The following URI1 variants were observed in gnomAD, a reference collection of about 807,000 sequenced individuals.
The protein encoded by URI1 is URI1 prefoldin like chaperone, also known as unconventional prefoldin RPB5 interactor 1.
Under a neutral mutation model 60.2 loss-of-function variants are expected in URI1, and 39 were observed. That is an observed-to-expected ratio of 0.65 (90% CI 0.50 to 0.85). The LOEUF is 0.85. Ranked by LOEUF, URI1 falls within the 40% of genes least tolerant of loss-of-function variation. The probability of loss-of-function intolerance (pLI) is 0.00; values close to 1 mark genes in which losing one functional copy is unlikely to be tolerated. For missense variants in URI1, 691 were observed against 665.9 expected (o/e 1.04, Z -0.42); for synonymous variants, 251 against 236.8 (o/e 1.06, Z -0.55).
At chr19:30,001,123 C>T (rs922797065) in intron 4 of URI1, among the ~76,000 whole-genome samples, 11 of 151,160 alleles carry the variant, frequency 7.3e-5, no homozygotes, top group African/African-American at 2.4e-4. Context: ...TTTTTCTTCT[C>T]CCTCTTTTCT....
chr19:30,006,191 C>T (rs563463413), intron 6 of URI1, among the ~76,000 whole-genome samples: 300 of 152,210 alleles, frequency 2.0e-3, no homozygotes, highest in Middle Eastern at 0.017. Flanking sequence ...CCCATCTCCA[C>T]CCAGTAGATT....
At chr19:29,953,391 G>A (rs1599668682) in intron 1 of URI1, among the ~76,000 whole-genome samples, 3 of 152,292 alleles carry the variant, frequency 2.0e-5, no homozygotes, top group East Asian at 3.9e-4. Context: ...TTGGTCAAGA[G>A]TGCTACTAGC....
intron 8 of URI1, among the ~76,000 whole-genome samples, chr19:30,010,860 T>TA (rs1162500384): frequency 3.3e-5 from 5 of 152,150 alleles, no homozygotes; most frequent in African/African-American, 1.2e-4. Flanking sequence ...TCTACAATAA[T>TA]AAAGACACTG....
chr19:30,009,094 A>T lies in URI1; in HGVS notation c.776A>T (p.His259Leu). The T allele has an allele frequency of 6.2e-6, 10 of 1,614,040 alleles. No individual in the cohort carries two copies. The highest frequency in any genetic ancestry group is 8.5e-6 in the Non-Finnish European group (10 of 1,179,944). The change falls in exon 8 of 11, where the codon CAT becomes CTT. Residue 259 changes from histidine (H) to leucine (L), a missense_variant. Coordinates refer to ENST00000392271, the MANE Select transcript of URI1 (RefSeq NM_003796.3). ...EDRNTNVNAM[H>L]QVTDSHTPCH... Reference sequence around the variant, plus strand: ...CGTAACACAAATGTGAATGCGATGCATCAAGTAACAGACTCTCATACTCCT... The same window carrying T: ...CGTAACACAAATGTGAATGCGATGCTTCAAGTAACAGACTCTCATACTCCT...
chr19:30,006,856 T>C (rs2055949410), intron 6 of URI1, among the ~76,000 whole-genome samples: 1 of 152,202 alleles, frequency 6.6e-6, no homozygotes, highest in South Asian at 2.1e-4. Flanking sequence ...ATTTGACCCA[T>C]CTTTTTTCCT....
At chr19:29,994,128 T>A (rs2055781572) in intron 4 of URI1, among the ~76,000 whole-genome samples, 1 of 152,074 alleles carries the variant, frequency 6.6e-6, no homozygotes, top group Admixed American at 6.6e-5. Context: ...TGACTTAAGA[T>A]ACAATTGCTG....
At chr19:29,947,437 T>C (rs1256938356) in intron 1 of URI1, among the ~76,000 whole-genome samples, 1 of 152,238 alleles carries the variant, frequency 6.6e-6, no homozygotes, top group Non-Finnish European at 1.5e-5. Flanking sequence ...CAGTTCCACT[T>C]AGAATGCTTT....
intron 2 of URI1, among the ~76,000 whole-genome samples, chr19:29,978,592 G>A (rs1326910246): frequency 3.9e-5 from 6 of 152,070 alleles, no homozygotes; most frequent in Non-Finnish European, 7.4e-5. Context: ...CACAGTGCTT[G>A]TCTGAGAAGT....
At chr19:29,981,783 T>C (rs2055600883) in intron 2 of URI1, among the ~76,000 whole-genome samples, 1 of 152,172 alleles carries the variant, frequency 6.6e-6, no homozygotes, top group Non-Finnish European at 1.5e-5. Context: ...TGTTTTCCAT[T>C]TGAAGAAAAA....
intron 1 of URI1, among the ~76,000 whole-genome samples, chr19:29,967,653 T>C (rs1458264901): frequency 2.0e-5 from 3 of 152,220 alleles, no homozygotes; most frequent in African/African-American, 7.2e-5. Flanking sequence ...TAGCAGTCAG[T>C]GTTTTAAGAC....
intron 1 of URI1, among the ~76,000 whole-genome samples, chr19:29,959,396 G>A (rs1379770847): frequency 6.6e-6 from 1 of 152,150 alleles, no homozygotes; most frequent in Non-Finnish European, 1.5e-5. Flanking sequence ...CCAAAATGAT[G>A]GACTACAGGC....
At chr19:29,964,758 G>A (rs561096853) in intron 1 of URI1, among the ~76,000 whole-genome samples, 12 of 151,782 alleles carry the variant, frequency 7.9e-5, no homozygotes, top group African/African-American at 2.7e-4. Flanking sequence ...CACCACACCC[G>A]GCCAGTGGTG....
chr19:29,976,134 A>G (rs1305856068), intron 2 of URI1, among the ~76,000 whole-genome samples: 1 of 152,194 alleles, frequency 6.6e-6, no homozygotes, highest in East Asian at 1.9e-4. Flanking sequence ...TAATTGCTAC[A>G]TGACTGAGAG....
chr19:29,991,339 A>T (rs890822053), intron 4 of URI1, among the ~76,000 whole-genome samples: 3 of 152,210 alleles, frequency 2.0e-5, no homozygotes, highest in African/African-American at 7.2e-5. Flanking sequence ...TTAGGTTTAT[A>T]TCTAAGTGTT....
intron 4 of URI1, among the ~76,000 whole-genome samples, chr19:29,997,019 T>A (rs1001135260): frequency 6.6e-6 from 1 of 152,198 alleles, no homozygotes; most frequent in African/African-American, 2.4e-5. Flanking sequence ...GCCAGCATTT[T>A]GTTGAGGATT....
chr19:29,971,325 A>T, intron 2 of URI1, 98 bp downstream of exon 2: 2 of 1,181,782 alleles, frequency 1.7e-6, no homozygotes, highest in Non-Finnish European at 2.5e-6. Flanking sequence ...GTGTGTATGT[A>T]TGACTAGTAA....
intron 2 of URI1, among the ~76,000 whole-genome samples, chr19:29,976,929 C>G (rs953763854): frequency 1.3e-5 from 2 of 152,130 alleles, no homozygotes; most frequent in African/African-American, 4.8e-5. Flanking sequence ...TTCTAAAACA[C>G]TTTGGCATGT....
chr19:29,942,572 C>T lies in URI1; in HGVS notation c.25C>T (p.Pro9Ser), dbSNP rs1242462636. The change falls in exon 1 of 11, where the codon CCC becomes TCC. Residue 9 changes from proline to serine, a missense_variant. Transcript: ENST00000392271. ...CATGGAGGCGCCCACCGTGGAGACG[C>T]CCCCCGACCCCTCGCCCCCTTCGGC... MEAPTVET[P>S]PDPSPPSAPA... 2 of 1,419,110 alleles carry T rather than the reference C, an allele frequency of 1.4e-6. No individual in the cohort carries two copies. The highest frequency in any genetic ancestry group is 1.8e-6 in the Non-Finnish European group (2 of 1,088,326). 87.9% of individuals were successfully genotyped at this position (1,419,110 alleles called of 1,614,324 possible).
At chr19:29,959,177 G>A (rs2055289772) in intron 1 of URI1, among the ~76,000 whole-genome samples, 1 of 152,204 alleles carries the variant, frequency 6.6e-6, no homozygotes, top group Admixed American at 6.5e-5. Flanking sequence ...CCAGGCTGGA[G>A]TGCAGTGGCC....
Sources: gnomAD v4.1 joint callset for allele counts (sites outside exome capture counted in the v4.1 genomes callset) on GRCh38, gnomAD v4.1.1 for gene constraint, MANE v1.5 for transcripts, NCBI Gene and HGNC (gene_info 2026-07-23, HGNC 2026-07-21) for gene names.